Variants in ARCN1 observed in about 807,000 individuals in gnomAD.
ARCN1 encodes the protein coatomer subunit delta.
ARCN1 carries 5 observed loss-of-function variants against 60.4 expected under a neutral mutation model. The ratio of observed to expected loss-of-function variants is 0.08; its 90% CI spans 0.04 to 0.17. The LOEUF (loss-of-function observed/expected upper bound fraction) is 0.17, where lower values mean the gene tolerates loss of function less well. Ranked by LOEUF, ARCN1 falls within the 10% of genes least tolerant of loss-of-function variation. ARCN1 has a pLI of 1.00. For synonymous variants in ARCN1, 224 were observed against 220.0 expected (o/e 1.02, Z -0.16); for missense variants, 464 against 626.5 (o/e 0.74, Z 2.77).
intron 9 of ARCN1, among the ~76,000 whole-genome samples, 186 bp downstream of exon 9, chr11:118,598,097 C>G (rs1555077491): frequency 6.6e-6 from 1 of 152,072 alleles, no homozygotes; most frequent in Non-Finnish European, 1.5e-5. Flanking sequence ...TATTGCTTTA[C>G]CTCAGTTTTC....
At chr11:118,577,530 C>T (rs1038827449) in intron 1 of ARCN1, among the ~76,000 whole-genome samples, 2 of 152,146 alleles carry the variant, frequency 1.3e-5, no homozygotes, top group African/African-American at 2.4e-5. Context: ...AAGGCATGAG[C>T]CACCGCTCCC....
Position 118,579,456 on chromosome 11 carries a change from G to A in ARCN1, c.4-1790G>A, listed in dbSNP as rs145379785. ...GGAGGCCGAGGTGGGCAGATCACCCGAGGTCAGGCATTTGAGACCAGCCTG... is the reference window on the plus strand; with the variant it reads ...GGAGGCCGAGGTGGGCAGATCACCCAAGGTCAGGCATTTGAGACCAGCCTG... On this transcript the variant is annotated intron_variant, in intron 1 of 9. Coordinates refer to ENST00000264028, the MANE Select transcript of ARCN1 (RefSeq NM_001655.5). 8.3e-3 allele frequency among the ~76,000 whole-genome samples: 1,263 copies of A among 151,636 alleles called. 14 individuals are homozygous for A. Among genetic ancestry groups the A allele is most frequent in the African/African-American group, 0.029 (1,178 of 41,300 alleles).
intron 9 of ARCN1, 48 bp from the exon 10 acceptor site, chr11:118,600,576 TG>T: frequency 7.7e-7 from 1 of 1,293,994 alleles, no homozygotes; most frequent in Non-Finnish European, 1.1e-6. Context: ...GTCAACATGA[TG>T]GAGACTCAAA....
At chr11:118,579,545 G>A (rs7122547) in intron 1 of ARCN1, among the ~76,000 whole-genome samples, 22,708 of 150,722 alleles carry the variant, frequency 0.15, 2,251 homozygotes, top group East Asian at 0.51. Context: ...AAAATTAGCC[G>A]GGCGTGGTGG....
chr11:118,601,269 C>T lies in ARCN1; in HGVS notation c.*555C>T. On this transcript the variant is annotated 3_prime_UTR_variant, in exon 10 of 10. Transcript: ENST00000264028. ...TAGAGACGGGGTTTCACCGTGTTGC[C>T]CAGGCTGGTCGCGAACTCCTGAGCT... The T allele has an allele frequency of 2.8e-6, 1 of 356,858 alleles. No individual in the cohort carries two copies. The highest frequency in any genetic ancestry group is 5.3e-6 in the Non-Finnish European group (1 of 187,036). 22.1% of individuals were successfully genotyped at this position (356,858 alleles called of 1,614,324 possible).
At chr11:118,575,634 C>A (rs1306241860) in intron 1 of ARCN1, among the ~76,000 whole-genome samples, 1 of 152,066 alleles carries the variant, frequency 6.6e-6, no homozygotes, top group Non-Finnish European at 1.5e-5. Context: ...TAGAAACTAG[C>A]CTTAATATGA....
intron 9 of ARCN1, among the ~76,000 whole-genome samples, chr11:118,599,242 G>A (rs553307404): frequency 2.7e-5 from 4 of 150,266 alleles, no homozygotes; most frequent in East Asian, 2.0e-4. Context: ...ACCGGCATGC[G>A]CCACCACGCC....
At chr11:118,588,011 C>T (rs1938814861) in intron 5 of ARCN1, among the ~76,000 whole-genome samples, 2 of 152,312 alleles carry the variant, frequency 1.3e-5, no homozygotes, top group Non-Finnish European at 2.9e-5. Flanking sequence ...CTTCTGTCCC[C>T]AGGGAGCTGG....
At chr11:118,593,274 G>C (rs1591390022) in intron 7 of ARCN1, among the ~76,000 whole-genome samples, 1 of 152,070 alleles carries the variant, frequency 6.6e-6, no homozygotes, top group Non-Finnish European at 1.5e-5. Context: ...TGTCACCCAG[G>C]CTGGAGTGCA....
intron 8 of ARCN1, among the ~76,000 whole-genome samples, chr11:118,596,021 C>T (rs990898166): frequency 6.6e-6 from 1 of 151,488 alleles, no homozygotes; most frequent in Admixed American, 6.6e-5. Flanking sequence ...GAGCTGAGAT[C>T]GCGCCACTGC....
intron 2 of ARCN1, 97 bp downstream of exon 2, chr11:118,581,606 A>G: frequency 1.5e-6 from 2 of 1,334,462 alleles, no homozygotes; most frequent in Non-Finnish European, 2.0e-6. Flanking sequence ...ACCAGTTTGC[A>G]GGTTCCTACT....
At chr11:118,576,435 A>AAC (rs1229105196) in intron 1 of ARCN1, among the ~76,000 whole-genome samples, 2 of 143,434 alleles carry the variant, frequency 1.4e-5, no homozygotes, top group African/African-American at 2.6e-5. Context: ...TTAAAAAAAA[A>AAC]AAAAAAAAAA....
chr11:118,576,628 T>C (rs1233678691), intron 1 of ARCN1, among the ~76,000 whole-genome samples: 1 of 152,116 alleles, frequency 6.6e-6, no homozygotes, highest in African/African-American at 2.4e-5. Flanking sequence ...CAAATGTTAA[T>C]TTAGGATAGG....
chr11:118,595,514 A>G (rs1344617174), intron 8 of ARCN1, among the ~76,000 whole-genome samples: 4 of 152,174 alleles, frequency 2.6e-5, no homozygotes, highest in African/African-American at 2.4e-5. Context: ...TGTCATGTCA[A>G]CCCCAGAAGT....
At chr11:118,597,471 G>GCCAAATAC (rs1190107081) in intron 8 of ARCN1, among the ~76,000 whole-genome samples, 26 of 152,168 alleles carry the variant, frequency 1.7e-4, no homozygotes, top group Admixed American at 1.4e-3. Flanking sequence ...AGGCATATCT[G>GCCAAATAC]CCAAATACCT....
Position 118,602,528 on chromosome 11 carries a change from G to A in ARCN1, c.*1814G>A, listed in dbSNP as rs1939170738. On this transcript the variant is annotated 3_prime_UTR_variant, in exon 10 of 10. Coordinates refer to ENST00000264028, the MANE Select transcript of ARCN1 (RefSeq NM_001655.5). ...TCCCTGCAAAGAGTGTACTGTGCTT[G>A]AAGCAGAGCACTCACACATAAATGG... is the stretch of plus-strand genomic sequence containing the variant. 6.5e-6 allele frequency: 1 copy of A among 153,750 alleles called. No individual in the cohort carries two copies. The highest frequency in any genetic ancestry group is 2.1e-4 in the South Asian group (1 of 4,830). The allele number at this position is 153,750 out of a possible 1,614,324, so 9.5% of individuals were successfully genotyped here.
At chr11:118,572,674 C>T (rs1565355672) in intron 1 of ARCN1, 124 bp downstream of exon 1, 3 of 1,311,272 alleles carry the variant, frequency 2.3e-6, no homozygotes, top group Non-Finnish European at 1.1e-6. Context: ...TGCTTTTGCT[C>T]CGGGCTCGGG....
intron 5 of ARCN1, among the ~76,000 whole-genome samples, chr11:118,589,320 T>C (rs1384908464): frequency 6.6e-6 from 1 of 152,216 alleles, no homozygotes; most frequent in Admixed American, 6.5e-5. Flanking sequence ...GTCTTCCTTG[T>C]ATAATTTTAA....
chr11:118,598,272 G>T (rs1939072409), intron 9 of ARCN1, among the ~76,000 whole-genome samples: 1 of 151,618 alleles, frequency 6.6e-6, no homozygotes, highest in South Asian at 2.1e-4. Context: ...TTAAGGCCTT[G>T]CTGTCACTTG....
Sources: allele counts gnomAD v4.1 joint callset (sites outside exome capture counted in the v4.1 genomes callset), GRCh38; gene constraint gnomAD v4.1.1; transcripts MANE v1.5; gene names NCBI Gene and HGNC (gene_info 2026-07-23, HGNC 2026-07-21).